Variants in GTPBP3 observed in about 807,000 individuals in gnomAD.
The protein encoded by GTPBP3 is 5-taurinomethyluridine-[tRNA] synthase subunit GTPB3, mitochondrial.
A neutral mutation model predicts 42.0 loss-of-function variants in GTPBP3; 35 were observed. The ratio of observed to expected loss-of-function variants is 0.83; its 90% CI spans 0.64 to 1.10. The LOEUF (loss-of-function observed/expected upper bound fraction) is 1.10. GTPBP3 is among the 50% of genes least tolerant of loss of function. GTPBP3 has a pLI of 0.00. For synonymous variants in GTPBP3, 332 were observed against 314.9 expected, an observed-to-expected ratio of 1.05 and a Z score of -0.58; for missense variants, 691 against 685.2, an observed-to-expected ratio of 1.01 and a Z score of -0.09.
chr19:17,341,599 G>A lies in GTPBP3; in HGVS notation c.1375G>A (p.Glu459Lys), dbSNP rs886037734. The A allele has an allele frequency of 6.2e-7, 1 of 1,613,912 alleles. No individual in the cohort carries two copies. Among genetic ancestry groups the A allele is most frequent in the Non-Finnish European group, 8.5e-7 (1 of 1,179,972 alleles). The change falls in exon 9 of 9, where the codon GAG (glutamate) becomes AAG (lysine). Residue 459 changes from glutamate to lysine, a missense_variant. Physicochemically the swap from Glu to Lys is moderately conservative, Grantham distance 56 (BLOSUM62 1). Transcript: ENST00000324894. ...KQSKDLALAAEALRVARGHLT... is the reference protein window; with the variant it reads ...KQSKDLALAAKALRVARGHLT... Reference sequence around the variant, plus strand: ...GTCAAAAGACCTGGCCCTGGCGGCAGAGGCGCTGCGGGTGGCCCGGGGTCA... The same window carrying A: ...GTCAAAAGACCTGGCCCTGGCGGCAAAGGCGCTGCGGGTGGCCCGGGGTCA...
Position 17,339,430 on chromosome 19 carries a change from C to G in GTPBP3, c.809-4C>G, listed in dbSNP as rs756416143. The stretch of plus-strand genomic sequence containing the variant: ...CCTCTCCTCTTCTTCTGACCCTCCC[C>G]CAGGTCGGAAGCCTGTGTCCATCGT... On this transcript the variant is annotated splice_polypyrimidine_tract_variant and splice_region_variant and intron_variant, in intron 6 of 8. Transcript: ENST00000324894. The G allele has an allele frequency of 1.9e-6, 3 of 1,613,268 alleles. No individual in the cohort carries two copies. Among genetic ancestry groups the G allele is most frequent in the Non-Finnish European group, 2.5e-6 (3 of 1,179,716 alleles).
In GTPBP3 at chr19:17,338,656, C is replaced by G. The variant is rs748603300; in HGVS notation, c.506C>G (p.Thr169Arg). 1.2e-5 allele frequency: 20 copies of G among 1,613,778 alleles called. No individual in the cohort carries two copies. The highest frequency in any genetic ancestry group is 1.7e-5 in the Non-Finnish European group (20 of 1,179,968). The change falls in exon 4 of 9, where the codon ACA becomes AGA. Residue 169 changes from threonine to arginine, a missense_variant. By Grantham distance (71) the Thr-to-Arg change is moderately conservative. Coordinates refer to ENST00000324894, the MANE Select transcript of GTPBP3 (RefSeq NM_032620.4). ...EGLADLIHAE[T>R]EAQRRQALRQ... Reference sequence around the variant, plus strand: ...CTGGCGGACCTTATCCACGCGGAAACAGAGGCGCAGCGGCGGCAGGCCCTC... The same window carrying G: ...CTGGCGGACCTTATCCACGCGGAAAGAGAGGCGCAGCGGCGGCAGGCCCTC...
chr19:17,340,871 G>A lies in GTPBP3; in HGVS notation c.975-173G>A. 5.2e-6 allele frequency: 3 copies of A among 574,934 alleles called. No individual in the cohort carries two copies. In the South Asian group the frequency reaches 6.4e-5, roughly 12 times the overall value. The allele number at this position is 574,934 out of a possible 1,614,324, so 35.6% of individuals were successfully genotyped here. On this transcript the variant is annotated intron_variant, in intron 7 of 8. Transcript: ENST00000324894. ...CCTCTTGCTCTGCCCCACCCCCTGT[G>A]CTCGGCTTGGGCCCCCAACATTCTG...
chr19:17,339,029 G>A lies in GTPBP3; in HGVS notation c.664+3G>A, dbSNP rs1166687609. 6.2e-7 allele frequency: 1 copy of A among 1,614,148 alleles called. No homozygotes were observed. The highest frequency in any genetic ancestry group is 1.7e-5 in the Admixed American group (1 of 60,030). On this transcript the variant is annotated splice_donor_region_variant and intron_variant, in intron 5 of 8. Coordinates refer to ENST00000324894, the MANE Select transcript of GTPBP3 (RefSeq NM_032620.4). ...GGAGGAGGGGGTCCTGGAGCAAGGT[G>A]GGTCTACCTGGTGGTGGGGGAGGAA...
Position 17,337,638 on chromosome 19 carries a change from G to T in GTPBP3, c.27G>T (p.Ala9=). 1 of 1,330,996 alleles carries T rather than the reference G, an allele frequency of 7.5e-7. No homozygotes were observed. Among genetic ancestry groups the T allele is most frequent in the Non-Finnish European group, 9.7e-7 (1 of 1,035,640 alleles). The allele number at this position is 1,330,996 out of a possible 1,614,324, so 82.4% of individuals were successfully genotyped here. A position where few individuals can be genotyped will look rare whatever the true frequency, so the allele number is the denominator to read the frequency against. Residue 9 remains alanine, a synonymous_variant, in exon 1 of 9, where the codon GCG becomes GCT. Transcript: ENST00000324894. ...TGTGGCGGGGGCTTTGGACCCTGGC[G>T]GCCCAAGCGGCACGTGGGCCTCGCA... MWRGLWTL[A]AQAARGPRRL...
intron 1 of GTPBP3, 165 bp downstream of exon 1, chr19:17,337,829 C>T (rs1197697769): frequency 8.4e-7 from 1 of 1,190,422 alleles, no homozygotes; most frequent in African/African-American, 1.5e-5. Context: ...TCTGGGTCTC[C>T]TTCTGGCCTC....
intron 6 of GTPBP3, 66 bp from the exon 7 acceptor site, chr19:17,339,367 TG>T (rs1199482268): frequency 6.3e-7 from 1 of 1,591,244 alleles, no homozygotes; most frequent in Admixed American, 1.7e-5. Context: ...CCTCCAGACA[TG>T]GGGTAGAACC....
chr19:17,340,946 T>TC, intron 7 of GTPBP3, 98 bp from the exon 8 acceptor site: 2 of 1,359,180 alleles, frequency 1.5e-6, no homozygotes, highest in Non-Finnish European at 2.0e-6. Context: ...GCTTCGCAGC[T>TC]CCCCCAGTGC....
At position 17,341,673 on chromosome 19, in the gene GTPBP3, C is replaced by T. The variant is rs200396905; in HGVS notation, c.1449C>T (p.Ile483=). ...GGGGTEEILD[I]IFQDFCVGK is the part of the protein sequence containing the mutation. ...GGGGTACCGAGGAGATCCTGGACATCATCTTCCAGGACTTCTGTGTGGGCA... is the reference window on the plus strand; with the variant it reads ...GGGGTACCGAGGAGATCCTGGACATTATCTTCCAGGACTTCTGTGTGGGCA... Residue 483 remains isoleucine, a synonymous_variant, in exon 9 of 9, where the codon ATC becomes ATT. Coordinates refer to ENST00000324894, the MANE Select transcript of GTPBP3 (RefSeq NM_032620.4). 6.3e-7 allele frequency: 1 copy of T among 1,594,768 alleles called. No individual in the cohort carries two copies. Among genetic ancestry groups the T allele is most frequent in the Non-Finnish European group, 8.6e-7 (1 of 1,166,338 alleles).
chr19:17,339,587 G>A lies in GTPBP3; in HGVS notation c.962G>A (p.Arg321His), dbSNP rs1378702635. ...CCCGTGGAGCAGGAGGGCGTGCGGC[G>A]CGCCCGGGAGAGGTGGGCGGACAGG... ...VGPVEQEGVR[R>H]ARERLEQADL... is the part of the protein sequence containing the mutation. Residue 321 changes from arginine to histidine, a missense_variant, in exon 7 of 9, where the codon CGC becomes CAC. Physicochemically the swap from Arg to His is conservative, Grantham distance 29 (BLOSUM62 0). Transcript: ENST00000324894. 8.7e-6 allele frequency: 14 copies of A among 1,606,174 alleles called. No homozygotes were observed. The highest frequency in any genetic ancestry group is 1.2e-5 in the Non-Finnish European group (14 of 1,178,402).
chr19:17,339,272 T>A lies in GTPBP3; in HGVS notation c.808+6T>A. On this transcript the variant is annotated splice_donor_region_variant and intron_variant, in intron 6 of 8. Transcript: ENST00000324894. ...CAGCCTAGTGAACCTGCTCAGTGAG[T>A]AGGCGGCGGGAAGGGGGCGGGGCCT... 6.3e-7 allele frequency: 1 copy of A among 1,595,192 alleles called. No individual in the cohort carries two copies. The highest frequency in any genetic ancestry group is 8.5e-7 in the Non-Finnish European group (1 of 1,170,936).
rs764833866 is a variant in GTPBP3 at position 17,341,103 on chromosome 19, C to A, written c.1034C>A (p.Ser345Tyr). Reference protein sequence around the residue: ...MLDASDLASPSSCNFLATVVA... With the variant: ...MLDASDLASPYSCNFLATVVA... ...GATGCTTCTGACCTGGCCTCTCCCT[C>A]CAGTTGCAACTTCCTGGCCACCGTC... Residue 345 changes from serine (S) to tyrosine (Y), a missense_variant, in exon 8 of 9, where the codon TCC becomes TAC. Transcript: ENST00000324894. 6.2e-7 allele frequency: 1 copy of A among 1,613,970 alleles called. No individual in the cohort carries two copies. Among genetic ancestry groups the A allele is most frequent in the Non-Finnish European group, 8.5e-7 (1 of 1,180,034 alleles).
At chr19:17,340,769 G>C in intron 7 of GTPBP3, among the ~76,000 whole-genome samples, 1 of 105,600 alleles carries the variant, frequency 9.5e-6, no homozygotes, top group Non-Finnish European at 1.9e-5. Flanking sequence ...ACTGTGCCCA[G>C]CCCCTCCTGC....
upstream of GTPBP3, chr19:17,337,488 T>C (rs2145698734): frequency 2.4e-6 from 3 of 1,258,564 alleles, 1 homozygote; most frequent in South Asian, 7.6e-5. Context: ...TATCCTAAGA[T>C]ACCCAATGGT....
chr19:17,341,413 A>G (rs2074430767), intron 8 of GTPBP3, 65 bp from the exon 9 acceptor site: 1 of 1,566,970 alleles, frequency 6.4e-7, no homozygotes, highest in Non-Finnish European at 8.7e-7. Context: ...AATGGGTACA[A>G]CCATTTCCCC....
In GTPBP3 at chr19:17,338,155, A is replaced by G. The variant is rs756583525; in HGVS notation, c.201A>G (p.Ala67=). 2 of 1,592,004 alleles carry G rather than the reference A, an allele frequency of 1.3e-6. No individual in the cohort carries two copies. Among genetic ancestry groups the G allele is most frequent in the Non-Finnish European group, 1.7e-6 (2 of 1,176,482 alleles). The change falls in exon 2 of 9, where the codon GCA becomes GCG. Residue 67 remains alanine (A), a synonymous_variant. Transcript: ENST00000324894. ...GCCACGCCCTCCGAATTCTCACAGCACCCCGAGACCTGCCCCTTGCTCGCC... is the reference window on the plus strand; with the variant it reads ...GCCACGCCCTCCGAATTCTCACAGCGCCCCGAGACCTGCCCCTTGCTCGCC... ...ASGHALRILT[A]PRDLPLARHA...
chr19:17,341,418 T>C (rs1413241750), intron 8 of GTPBP3, 60 bp from the exon 9 acceptor site: 1 of 1,568,846 alleles, frequency 6.4e-7, no homozygotes, highest in Non-Finnish European at 8.7e-7. Context: ...GTACAACCAT[T>C]TCCCCTTCAA....
chr19:17,341,353 G>C (rs1020530761), intron 8 of GTPBP3, 31 bp downstream of exon 8: 10 of 1,568,326 alleles, frequency 6.4e-6, no homozygotes, highest in Non-Finnish European at 6.9e-6. Context: ...AGCCTCCCCT[G>C]ACCCACAGTT....
At chr19:17,340,767 C>T (rs1400449659) in intron 7 of GTPBP3, among the ~76,000 whole-genome samples, 1 of 148,500 alleles carries the variant, frequency 6.7e-6, no homozygotes, top group Non-Finnish European at 1.5e-5. Flanking sequence ...GCACTGTGCC[C>T]AGCCCCTCCT....
Sources: gnomAD v4.1 joint callset for allele counts (sites outside exome capture counted in the v4.1 genomes callset) on GRCh38, gnomAD v4.1.1 for gene constraint, MANE v1.5 for transcripts, NCBI Gene and HGNC (gene_info 2026-07-23, HGNC 2026-07-21) for gene names.